The following TMPRSS7 variants were observed in gnomAD, a reference collection of about 807,000 sequenced individuals.
The protein encoded by TMPRSS7 is transmembrane protease serine 7.
TMPRSS7 carries 81 observed loss-of-function variants against 95.6 expected under a neutral mutation model. That is an observed-to-expected ratio of 0.85 (90% confidence interval 0.71 to 1.02). The LOEUF (loss-of-function observed/expected upper bound fraction) is 1.02, where lower values mean the gene tolerates loss of function less well. Among genes scored for constraint, TMPRSS7 ranks in the 50% least tolerant of loss-of-function variants. The pLI is 0.00. For missense variants in TMPRSS7, 945 were observed against 955.2 expected, an observed-to-expected ratio of 0.99 and a Z score of 0.14; for synonymous variants, 364 against 337.8, an observed-to-expected ratio of 1.08 and a Z score of -0.85.
chr3:112,034,789 A>C (rs1267769241), upstream of TMPRSS7: 3 of 701,596 alleles, frequency 4.3e-6, no homozygotes, highest in Non-Finnish European at 7.8e-6. Context: ...AGAGCATATA[A>C]GGGGCAAAAA....
chr3:112,063,429 C>A (rs571489396), intron 11 of TMPRSS7, 96 bp from the exon 12 acceptor site: 1 of 890,660 alleles, frequency 1.1e-6, no homozygotes, highest in South Asian at 1.4e-5. Context: ...CCTGCCAACT[C>A]CCTAACCACT....
intron 14 of TMPRSS7, among the ~76,000 whole-genome samples, chr3:112,074,667 A>G (rs1393881842): frequency 6.6e-6 from 1 of 152,246 alleles, no homozygotes; most frequent in Non-Finnish European, 1.5e-5. Context: ...AATAATTTTA[A>G]TCAAGGGAGA....
chr3:112,042,138 G>A, intron 3 of TMPRSS7, 88 bp downstream of exon 3: 1 of 1,116,912 alleles, frequency 9.0e-7, no homozygotes, highest in South Asian at 1.4e-5. Flanking sequence ...AAGTGTCACA[G>A]GTGAGCAGGG....
intron 2 of TMPRSS7, among the ~76,000 whole-genome samples, chr3:112,041,639 G>A (rs2073210786): frequency 6.6e-6 from 1 of 152,084 alleles, no homozygotes; most frequent in Non-Finnish European, 1.5e-5. Context: ...GGTATATATG[G>A]GCCACAGAAA....
At chr3:112,047,911 T>G in exon 7 of TMPRSS7, 1 of 1,614,162 alleles carries the variant, frequency 6.2e-7, no homozygotes, top group East Asian at 2.2e-5. Flanking sequence ...ACTGTGTCAC[T>G]GACTCCCTGA....
At position 112,047,907 on chromosome 3, in the gene TMPRSS7, TCA is replaced by T; in HGVS notation, c.901_902del (p.Thr301Ter). The T allele has an allele frequency of 6.2e-7, 1 of 1,614,138 alleles. No individual in the cohort carries two copies. Among genetic ancestry groups the T allele is most frequent in the East Asian group, 2.2e-5 (1 of 44,866 alleles). On this transcript the variant is annotated frameshift_variant, in exon 7 of 18. Transcript: ENST00000452346. LOFTEE classifies it high-confidence loss of function. ...ATCCAAATCGAAGCCGACAACTGTG[TCA>T]CTGACTCCCTGACCATTTACGACTC...
intron 15 of TMPRSS7, 82 bp downstream of exon 15, chr3:112,075,574 T>A (rs1237211043): frequency 8.3e-7 from 1 of 1,210,344 alleles, no homozygotes; most frequent in Non-Finnish European, 1.1e-6. Flanking sequence ...GGGAAGCAGA[T>A]CCCTGTTGGG....
chr3:112,040,338 GT>G (rs909620607), intron 2 of TMPRSS7, among the ~76,000 whole-genome samples: 12 of 152,110 alleles, frequency 7.9e-5, no homozygotes, highest in Non-Finnish European at 1.5e-4. Flanking sequence ...GAAGGTGTGA[GT>G]TTTTTTGCTT....
intron 13 of TMPRSS7, among the ~76,000 whole-genome samples, chr3:112,070,844 T>C (rs1388897205): frequency 1.3e-5 from 2 of 152,248 alleles, no homozygotes; most frequent in East Asian, 1.9e-4. Flanking sequence ...TTGTTACATA[T>C]GTATACATGT....
chr3:112,052,597 A>G (rs774770), intron 9 of TMPRSS7, among the ~76,000 whole-genome samples: 136,996 of 152,076 alleles, frequency 0.9, 62,361 homozygotes, highest in East Asian at 1. Context: ...GATAAGCAGC[A>G]AGTCTGAGGA....
intron 2 of TMPRSS7, among the ~76,000 whole-genome samples, chr3:112,041,191 G>A (rs2073203442): frequency 6.6e-6 from 1 of 151,976 alleles, no homozygotes; most frequent in Non-Finnish European, 1.5e-5. Flanking sequence ...ATCAGTCCAA[G>A]GTCACATTAC....
At chr3:112,077,812 C>T (rs556007283) in intron 16 of TMPRSS7, among the ~76,000 whole-genome samples, 3 of 152,238 alleles carry the variant, frequency 2.0e-5, no homozygotes, top group African/African-American at 7.2e-5. Flanking sequence ...TTTTCATGGT[C>T]CAGGATTCAA....
intron 12 of TMPRSS7, among the ~76,000 whole-genome samples, chr3:112,065,504 C>T (rs1271983598): frequency 6.6e-6 from 1 of 152,030 alleles, no homozygotes; most frequent in East Asian, 1.9e-4. Context: ...TGCTGATTCT[C>T]CAAACAAAAA....
chr3:112,066,788 A>G (rs1178644696), intron 13 of TMPRSS7, among the ~76,000 whole-genome samples: 1 of 151,306 alleles, frequency 6.6e-6, no homozygotes, highest in African/African-American at 2.4e-5. Context: ...TTTTTTTTCA[A>G]TTTTTAAAAA....
chr3:112,051,520 TA>T (rs1427514696), intron 9 of TMPRSS7, among the ~76,000 whole-genome samples: 134 of 1,594 alleles, frequency 0.084, 1 homozygote, highest in Middle Eastern at 0.33. Context: ...ACGAAATATC[TA>T]TCTATCTATC....
At chr3:112,039,677 C>T (rs1219790062) in intron 2 of TMPRSS7, 4 of 152,210 alleles carry the variant, frequency 2.6e-5, no homozygotes, top group African/African-American at 4.8e-5. Flanking sequence ...ACTCTAGAGA[C>T]CCTTCTGGAC....
chr3:112,049,475 C>A (rs1371884355), intron 7 of TMPRSS7, among the ~76,000 whole-genome samples: 3 of 152,128 alleles, frequency 2.0e-5, no homozygotes, highest in Non-Finnish European at 4.4e-5. Context: ...AAGATTTAAG[C>A]CTGGCATCTT....
chr3:112,040,834 G>T (rs566133974), intron 2 of TMPRSS7, among the ~76,000 whole-genome samples: 2 of 152,178 alleles, frequency 1.3e-5, no homozygotes, highest in African/African-American at 4.8e-5. Flanking sequence ...GGAAATCTGG[G>T]CATGGAGGGT....
chr3:112,080,530 TACTACTACTACTACTACCACC>T (rs1322173938), intron 17 of TMPRSS7, among the ~76,000 whole-genome samples: 2 of 127,144 alleles, frequency 1.6e-5, no homozygotes, highest in African/African-American at 3.0e-5. Flanking sequence ...TAGCCCTCAC[TACTACTACTACTACTACCACC>T]ACTACTACTA....
Sources: gnomAD v4.1 joint callset for allele counts (sites outside exome capture counted in the v4.1 genomes callset) on GRCh38, gnomAD v4.1.1 for gene constraint, MANE v1.5 for transcripts, NCBI Gene and HGNC (gene_info 2026-07-23, HGNC 2026-07-21) for gene names.